The following CLPTM1 variants were observed in gnomAD, a reference collection of about 807,000 sequenced individuals.
CLPTM1 encodes the protein CLPTM1 regulator of GABA type A receptor forward trafficking.
In CLPTM1, 21 loss-of-function variants were observed where a neutral mutation model predicts 77.3. That is an observed-to-expected ratio of 0.27 (90% CI 0.19 to 0.39). CLPTM1 has a LOEUF of 0.39. CLPTM1 is among the 10% of genes least tolerant of loss of function. CLPTM1 has a pLI of 1.00. For missense variants in CLPTM1, 642 were observed against 921.2 expected (o/e 0.70, Z 3.92); for synonymous variants, 373 against 381.0 (o/e 0.98, Z 0.24).
chr19:44,967,948 C>T (rs1049684183), intron 2 of CLPTM1, among the ~76,000 whole-genome samples: 1 of 152,022 alleles, frequency 6.6e-6, no homozygotes, highest in Non-Finnish European at 1.5e-5. Flanking sequence ...ATATCACCTT[C>T]TTTTTTTTCA....
In CLPTM1 at chr19:44,992,951, C is replaced by A; in HGVS notation, c.*54C>A. 6.4e-7 allele frequency: 1 copy of A among 1,569,510 alleles called. No homozygotes were observed. The highest frequency in any genetic ancestry group is 1.8e-5 in the Admixed American group (1 of 55,438). ...CCTGGCGACCACTACCCCTGCGTCC[C>A]GGCCCCCTCGCCTCCCCTCCCTGTC... On this transcript the variant is annotated 3_prime_UTR_variant, in exon 14 of 14. Transcript: ENST00000337392. This position sits in a 1 kb window ranked among gnomAD's most constrained non-coding sequence, Gnocchi z 7.7.
intron 1 of CLPTM1, among the ~76,000 whole-genome samples, chr19:44,956,170 G>C (rs1970461333): frequency 6.6e-6 from 1 of 152,194 alleles, no homozygotes; most frequent in South Asian, 2.1e-4. Flanking sequence ...GGAATAGATG[G>C]AGAGACATGA....
rs759247779 is a variant in CLPTM1 at position 44,992,946 on chromosome 19, C to G, written c.*49C>G. 15 of 1,582,328 alleles carry G rather than the reference C, an allele frequency of 9.5e-6. No homozygotes were observed. The highest frequency in any genetic ancestry group is 1.7e-4 in the Middle Eastern group (1 of 6,028). On this transcript the variant is annotated 3_prime_UTR_variant, in exon 14 of 14. Transcript: ENST00000337392. The surrounding 1 kb of genome is among the most constrained non-coding windows in gnomAD (Gnocchi z 7.7). Reference sequence around the variant, plus strand: ...CGGCTCCTGGCGACCACTACCCCTGCGTCCCGGCCCCCTCGCCTCCCCTCC... The same window carrying G: ...CGGCTCCTGGCGACCACTACCCCTGGGTCCCGGCCCCCTCGCCTCCCCTCC...
At chr19:44,989,149 G>C (rs1971029305) in intron 9 of CLPTM1, among the ~76,000 whole-genome samples, 1 of 152,174 alleles carries the variant, frequency 6.6e-6, no homozygotes, top group African/African-American at 2.4e-5. Flanking sequence ...CTAGGCAACA[G>C]AGTGACACCC....
chr19:44,991,142 G>A lies in CLPTM1; in HGVS notation c.1420-96G>A, dbSNP rs1387176454. ...GGCTACCTGGAAATTCCCCCTGCCC[G>A]GCCTGCCAGACCAGGTGTGGTGGGT... On this transcript the variant is annotated intron_variant, in intron 11 of 13. Coordinates refer to ENST00000337392, the MANE Select transcript of CLPTM1 (RefSeq NM_001294.4). The surrounding 1 kb of genome is among the most constrained non-coding windows in gnomAD (Gnocchi z 5.4). 67 of 1,576,094 alleles carry A rather than the reference G, an allele frequency of 4.3e-5. No homozygotes were observed. Among genetic ancestry groups the A allele is most frequent in the African/African-American group, 5.4e-5 (4 of 74,350 alleles).
At chr19:44,979,287 T>A (rs758588347) in intron 5 of CLPTM1, among the ~76,000 whole-genome samples, 1 of 152,060 alleles carries the variant, frequency 6.6e-6, no homozygotes, top group Non-Finnish European at 1.5e-5. Flanking sequence ...CCTTGCTTGG[T>A]TCTCTGTGAG....
chr19:44,964,361 A>G (rs927827116), intron 2 of CLPTM1, among the ~76,000 whole-genome samples: 4 of 111,970 alleles, frequency 3.6e-5, no homozygotes, highest in African/African-American at 1.4e-4. Context: ...CCCAGGCTGG[A>G]GTGCAGTAGT....
chr19:44,958,829 GCT>G (rs1491587249), intron 1 of CLPTM1, among the ~76,000 whole-genome samples: 86 of 152,296 alleles, frequency 5.6e-4, no homozygotes, highest in African/African-American at 1.0e-3. Context: ...AGTCTCTGCT[GCT>G]CCCAATCCTA....
At position 44,956,039 on chromosome 19, in the gene CLPTM1, G is replaced by A. The variant is rs2238683; in HGVS notation, c.72+572G>A. 3.9e-4 allele frequency among the ~76,000 whole-genome samples: 59 copies of A among 152,298 alleles called. No homozygotes were observed. The East Asian group carries it at 0.011, about 28-fold the overall frequency. On this transcript the variant is annotated intron_variant, in intron 1 of 13. Coordinates refer to ENST00000337392, the MANE Select transcript of CLPTM1 (RefSeq NM_001294.4). ...CTGACACAGGGACTGGTATGGTTGT[G>A]GTTTTAATGTAAAATAGTTCTATGG...
At chr19:44,954,835 G>C, upstream of CLPTM1, 1 of 1,201,294 alleles carries the variant, frequency 8.3e-7, no homozygotes, top group South Asian at 1.6e-5. Flanking sequence ...ACACAGAAAG[G>C]ATATGAGCTC....
chr19:44,991,112 C>T lies in CLPTM1; in HGVS notation c.1420-126C>T. 1 of 1,515,824 alleles carries T rather than the reference C, an allele frequency of 6.6e-7. No homozygotes were observed. The highest frequency in any genetic ancestry group is 9.0e-7 in the Non-Finnish European group (1 of 1,112,728). The allele number at this position is 1,515,824 out of a possible 1,614,324, so 93.9% of individuals were successfully genotyped here. A position where few individuals can be genotyped will look rare whatever the true frequency, so the allele number is the denominator to read the frequency against. On this transcript the variant is annotated intron_variant, in intron 11 of 13. Transcript: ENST00000337392. The surrounding 1 kb of genome is among the most constrained non-coding windows in gnomAD (Gnocchi z 5.4). Reference sequence around the variant, plus strand: ...TGCTTCCCTGGGCGAGTCCGGAGTCCCCAGGGCTACCTGGAAATTCCCCCT... The same window carrying T: ...TGCTTCCCTGGGCGAGTCCGGAGTCTCCAGGGCTACCTGGAAATTCCCCCT...
Position 44,986,266 on chromosome 19 carries a change from G to A in CLPTM1, c.673-189G>A, listed in dbSNP as rs1406452983. Among the ~76,000 whole-genome samples the A allele has an allele frequency of 9.4e-5, 9 of 95,882 alleles. No individual in the cohort carries two copies. In the Admixed American group the frequency reaches 1.1e-3, roughly 12 times the overall value. 62.9% of individuals were successfully genotyped at this position (95,882 alleles called of 152,430 possible). ...TAATCCCAGCACTTTGGGAGGCCGA[G>A]GTGGGAGGATCGTGCTTGAGCCCAG... On this transcript the variant is annotated intron_variant, in intron 6 of 13. Transcript: ENST00000337392.
rs751213781 is a variant in CLPTM1 at position 44,974,567 on chromosome 19, C to T, written c.438C>T (p.Tyr146=). The T allele has an allele frequency of 3.8e-5, 62 of 1,614,038 alleles. 1 individual carries two copies. Among genetic ancestry groups the T allele is most frequent in the South Asian group, 3.3e-4 (30 of 91,076 alleles). ...GCGGCGAGAACTCAGACGGCTGCTA[C>T]GAGCACTTTGCTGAGCTCGATATCC... ...WTSGENSDGC[Y]EHFAELDIPQ... Residue 146 remains tyrosine, a synonymous_variant, in exon 4 of 14, where the codon TAC becomes TAT. Transcript: ENST00000337392.
In CLPTM1 at chr19:44,973,310, C is replaced by T. The variant is rs536771025; in HGVS notation, c.309+100C>T. 8 of 1,521,008 alleles carry T rather than the reference C, an allele frequency of 5.3e-6. No homozygotes were observed. The South Asian group carries it at 8.2e-5, about 16-fold the overall frequency. 94.2% of individuals were successfully genotyped at this position (1,521,008 alleles called of 1,614,324 possible). ...GCAGTCGGGACAGACCAGGTCCTTG[C>T]TCACTGGCAGGTCTAGGAAAACAGG... On this transcript the variant is annotated intron_variant, in intron 3 of 13. Coordinates refer to ENST00000337392, the MANE Select transcript of CLPTM1 (RefSeq NM_001294.4).
chr19:44,984,833 C>T (rs533961225), intron 5 of CLPTM1, among the ~76,000 whole-genome samples: 5 of 152,230 alleles, frequency 3.3e-5, no homozygotes, highest in South Asian at 4.1e-4. Context: ...ATTACAGGCA[C>T]CCGCCACCAC....
At position 44,962,571 on chromosome 19, in the gene CLPTM1, T is replaced by C. The variant is rs533524817; in HGVS notation, c.185+496T>C. On this transcript the variant is annotated intron_variant, in intron 2 of 13. Coordinates refer to ENST00000337392, the MANE Select transcript of CLPTM1 (RefSeq NM_001294.4). Reference sequence around the variant, plus strand: ...GTGTCTGTGTCCTAAGCTCCTCTTATGGGGACACTAGTCATACTGGCTTAG... The same window carrying C: ...GTGTCTGTGTCCTAAGCTCCTCTTACGGGGACACTAGTCATACTGGCTTAG... 4.6e-5 allele frequency among the ~76,000 whole-genome samples: 7 copies of C among 152,220 alleles called. No individual in the cohort carries two copies. In the South Asian group the frequency reaches 1.5e-3, roughly 32 times the overall value.
chr19:44,958,724 A>G (rs1970500571), intron 1 of CLPTM1, among the ~76,000 whole-genome samples: 1 of 152,174 alleles, frequency 6.6e-6, no homozygotes, highest in African/African-American at 2.4e-5. Context: ...GATAGAGTCC[A>G]TTGGCTCCTG....
intron 5 of CLPTM1, among the ~76,000 whole-genome samples, chr19:44,983,040 A>G (rs1970922544): frequency 1.3e-5 from 2 of 151,614 alleles, no homozygotes; most frequent in Non-Finnish European, 2.9e-5. Context: ...TAGCCTGGGC[A>G]ACAGAGTGAG....
chr19:44,973,237 T>TG (rs1335756188), intron 3 of CLPTM1, 27 bp downstream of exon 3: 2 of 1,613,518 alleles, frequency 1.2e-6, no homozygotes, highest in Non-Finnish European at 1.7e-6. Flanking sequence ...AGGGCAGACT[T>TG]GGGAGGTGAT....
Sources: allele counts gnomAD v4.1 joint callset (sites outside exome capture counted in the v4.1 genomes callset), GRCh38; gene constraint gnomAD v4.1.1; non-coding constraint Gnocchi (gnomAD v3.1); transcripts MANE v1.5; gene names NCBI Gene and HGNC (gene_info 2026-07-23, HGNC 2026-07-21).